Variants in KDR observed in about 807,000 individuals in gnomAD.
The protein encoded by KDR is vascular endothelial growth factor receptor 2.
Under a neutral mutation model 160.9 loss-of-function variants are expected in KDR, and 43 were observed. The ratio of observed to expected loss-of-function variants is 0.27; its 90% confidence interval spans 0.21 to 0.34. The LOEUF (loss-of-function observed/expected upper bound fraction) is 0.34, where lower values mean the gene tolerates loss of function less well. Among genes scored for constraint, KDR ranks in the 10% least tolerant of loss-of-function variants. The pLI, the probability that KDR is intolerant of heterozygous loss-of-function variation, is 1.00. For missense variants in KDR, 1,469 were observed against 1,666.4 expected (o/e 0.88, Z 2.06); for synonymous variants, 617 against 600.1 (o/e 1.03, Z -0.41).
intron 3 of KDR, among the ~76,000 whole-genome samples, 181 bp downstream of exon 3, chr4:55,118,423 A>G (rs1720785676): frequency 6.6e-6 from 1 of 152,252 alleles, no homozygotes; most frequent in Non-Finnish European, 1.5e-5. Flanking sequence ...ACACGGCCCA[A>G]GCTCCAGAAT....
At chr4:55,090,983 T>C (rs1719999331) in intron 22 of KDR, among the ~76,000 whole-genome samples, 1 of 150,948 alleles carries the variant, frequency 6.6e-6, no homozygotes, top group Admixed American at 6.7e-5. Flanking sequence ...GCCTCCCAAG[T>C]AGTTGGGACC....
At chr4:55,089,135 A>G (rs1719943142) in intron 25 of KDR, among the ~76,000 whole-genome samples, 162 bp from the exon 26 acceptor site, 1 of 152,230 alleles carries the variant, frequency 6.6e-6, no homozygotes, top group African/African-American at 2.4e-5. Flanking sequence ...CAGAGGCTCA[A>G]TGTGTATAGA....
At chr4:55,081,138 T>C (rs901043137) in intron 29 of KDR, among the ~76,000 whole-genome samples, 1 of 152,238 alleles carries the variant, frequency 6.6e-6, no homozygotes, top group Non-Finnish European at 1.5e-5. Flanking sequence ...ACCTTGGGCC[T>C]TAAAGAAAAC....
intron 15 of KDR, among the ~76,000 whole-genome samples, chr4:55,101,257 C>CTGA (rs1459345329): frequency 2.0e-5 from 3 of 152,082 alleles, no homozygotes; most frequent in African/African-American, 7.2e-5. Flanking sequence ...TTCATCCTGC[C>CTGA]TGATTAAGAA....
rs73816215 is a variant in KDR at position 55,110,237 on chromosome 4, G to A, written c.1255+166C>T. 6.9e-3 allele frequency among the ~76,000 whole-genome samples: 1,054 copies of A among 152,230 alleles called. 10 individuals are homozygous for A. Among genetic ancestry groups the A allele is most frequent in the African/African-American group, 0.024 (981 of 41,530 alleles). ...TTAAACAAACATGGCCAGAGCACAT[G>A]GTCCTACGTTTCACTTCAGCTTCAC... is the stretch of plus-strand genomic sequence containing the variant. On this transcript the variant is annotated intron_variant, in intron 9 of 29. Coordinates refer to ENST00000263923, the MANE Select transcript of KDR (RefSeq NM_002253.4).
intron 11 of KDR, among the ~76,000 whole-genome samples, chr4:55,106,417 C>T (rs1720446911): frequency 6.6e-6 from 1 of 152,118 alleles, no homozygotes; most frequent in Admixed American, 6.5e-5. Context: ...TGATATGATA[C>T]ACATTTTTTC....
chr4:55,096,210 A>C lies in KDR; in HGVS notation c.2728+19T>G. ...GGCATGTTAAAATTGGGTGACCAAAACCACCCACAGTTACTCACCTCCTGG... is the reference window on the plus strand; with the variant it reads ...GGCATGTTAAAATTGGGTGACCAAACCCACCCACAGTTACTCACCTCCTGG... On this transcript the variant is annotated intron_variant, in intron 19 of 29. Transcript: ENST00000263923. 1 of 1,505,058 alleles carries C rather than the reference A, an allele frequency of 6.6e-7. No homozygotes were observed. Among genetic ancestry groups the C allele is most frequent in the Non-Finnish European group, 9.2e-7 (1 of 1,082,734 alleles). 93.2% of individuals were successfully genotyped at this position (1,505,058 alleles called of 1,614,324 possible). A position where few individuals can be genotyped will look rare whatever the true frequency, so the allele number is the denominator to read the frequency against.
intron 25 of KDR, 150 bp downstream of exon 25, chr4:55,089,224 C>A: frequency 1.4e-6 from 1 of 691,728 alleles, no homozygotes. Flanking sequence ...GAAGTGATGA[C>A]TCCATGCTTG....
At chr4:55,093,139 C>T (rs1179012645) in intron 21 of KDR, among the ~76,000 whole-genome samples, 14 of 152,170 alleles carry the variant, frequency 9.2e-5, no homozygotes, top group Non-Finnish European at 2.1e-4. Flanking sequence ...CAGGTTTTGT[C>T]CTGGGACAAA....
intron 16 of KDR, 139 bp from the exon 17 acceptor site, chr4:55,098,411 T>A: frequency 9.5e-7 from 1 of 1,051,528 alleles, no homozygotes; most frequent in African/African-American, 1.6e-5. Flanking sequence ...GTGGTCCTAT[T>A]ATAACCCTGC....
intron 26 of KDR, among the ~76,000 whole-genome samples, 193 bp downstream of exon 26, chr4:55,088,675 A>G (rs1373677763): frequency 6.6e-6 from 1 of 152,222 alleles, no homozygotes; most frequent in Non-Finnish European, 1.5e-5. Context: ...CCGGGTTATA[A>G]ATTAGAATCC....
At position 55,115,426 on chromosome 4, in the gene KDR, A is replaced by G. The variant is rs368448261; in HGVS notation, c.359-15T>C. 1.6e-4 allele frequency: 223 copies of G among 1,387,940 alleles called. No individual in the cohort carries two copies. Among genetic ancestry groups the G allele is most frequent in the Non-Finnish European group, 9.2e-5 (90 of 974,896 alleles). The allele number at this position is 1,387,940 out of a possible 1,614,324, so 86.0% of individuals were successfully genotyped here. On this transcript the variant is annotated splice_polypyrimidine_tract_variant and intron_variant, in intron 3 of 29. Coordinates refer to ENST00000263923, the MANE Select transcript of KDR (RefSeq NM_002253.4). The stretch of plus-strand genomic sequence containing the variant: ...AGATCTGTAATCTAGAAGAAAATTT[A>G]GTTTTATTAATGAGTTAATAGTATT...
chr4:55,114,197 C>A lies in KDR; in HGVS notation c.727G>T (p.Val243Phe), dbSNP rs745441770. 1 of 1,613,974 alleles carries A rather than the reference C, an allele frequency of 6.2e-7. No homozygotes were observed. The highest frequency in any genetic ancestry group is 8.5e-7 in the Non-Finnish European group (1 of 1,179,902). Residue 243 changes from valine (V) to phenylalanine (F), a missense_variant, in exon 6 of 30, where the codon GTC (valine) becomes TTC (phenylalanine). Coordinates refer to ENST00000263923, the MANE Select transcript of KDR (RefSeq NM_002253.4). ...TCAGTTCTTGCTGTACAATTTAAGA[C>A]AAGCTTTTCTCCAACAGATAGTTCA... is the stretch of plus-strand genomic sequence containing the variant. The part of the protein sequence containing the change: ...GIELSVGEKL[V>F]LNCTARTELN...
chr4:55,121,042 C>T (rs1260971387), intron 2 of KDR, 55 bp downstream of exon 2: 3 of 1,210,904 alleles, frequency 2.5e-6, no homozygotes, highest in South Asian at 1.2e-5. Context: ...TATTTCCACT[C>T]AATAAACAAT....
chr4:55,115,449 A>G (rs1720711945), intron 3 of KDR, 38 bp from the exon 4 acceptor site: 1 of 1,138,050 alleles, frequency 8.8e-7, no homozygotes, highest in Non-Finnish European at 1.3e-6. Context: ...AGTTAATAGT[A>G]TTTACTAGAA....
intron 21 of KDR, among the ~76,000 whole-genome samples, chr4:55,093,994 G>A (rs1490754947): frequency 6.6e-6 from 1 of 151,888 alleles, no homozygotes; most frequent in East Asian, 1.9e-4. Flanking sequence ...GAGATCAGGA[G>A]TTCGAGACCA....
chr4:55,095,220 T>G (rs893540475), intron 20 of KDR, among the ~76,000 whole-genome samples: 1 of 152,118 alleles, frequency 6.6e-6, no homozygotes, highest in Non-Finnish European at 1.5e-5. Flanking sequence ...CAGACACACT[T>G]TCAGCATTAG....
At chr4:55,122,136 A>G (rs1369671740) in intron 1 of KDR, among the ~76,000 whole-genome samples, 1 of 152,180 alleles carries the variant, frequency 6.6e-6, no homozygotes, top group Non-Finnish European at 1.5e-5. Context: ...CTTCAGACAT[A>G]AGAAACTTGT....
intron 15 of KDR, 49 bp downstream of exon 15, chr4:55,101,848 A>G: frequency 6.7e-7 from 1 of 1,484,892 alleles, no homozygotes; most frequent in South Asian, 1.1e-5. Context: ...TTACGGCTGC[A>G]TAGCATTCCA....
Sources: allele counts gnomAD v4.1 joint callset (sites outside exome capture counted in the v4.1 genomes callset), GRCh38; gene constraint gnomAD v4.1.1; transcripts MANE v1.5; gene names NCBI Gene and HGNC (gene_info 2026-07-23, HGNC 2026-07-21).